The following NME7 variants were observed in gnomAD, a reference collection of about 807,000 sequenced individuals.
The protein encoded by NME7 is NME/NM23 family member 7.
Under a neutral mutation model 49.1 loss-of-function variants are expected in NME7, and 41 were observed. That is an observed-to-expected ratio of 0.83 (90% confidence interval 0.65 to 1.08). NME7 has a LOEUF of 1.08. Ranked by LOEUF, NME7 falls within the 50% of genes least tolerant of loss-of-function variation. NME7 has a pLI of 0.00. For synonymous variants in NME7, 139 were observed against 150.6 expected (o/e 0.92, Z 0.56); for missense variants, 423 against 463.4 (o/e 0.91, Z 0.80).
chr1:169,176,200 A>G lies in NME7; in HGVS notation c.991-6646T>C, dbSNP rs970259417. 3.9e-5 allele frequency among the ~76,000 whole-genome samples: 6 copies of G among 152,256 alleles called. No individual in the cohort carries two copies. The East Asian group carries it at 9.6e-4, about 24-fold the overall frequency. ...ATGAGATAATGAAAGATGGGGAAGG[A>G]ATTGGAAGTAGAAAAGGAAGCCAGG... On this transcript the variant is annotated intron_variant, in intron 10 of 11. Coordinates refer to ENST00000367811, the MANE Select transcript of NME7 (RefSeq NM_013330.5).
chr1:169,197,363 C>T (rs1258504916), intron 10 of NME7, among the ~76,000 whole-genome samples: 1 of 151,856 alleles, frequency 6.6e-6, no homozygotes. Flanking sequence ...GTCTAGTTAG[C>T]TCTATAATCA....
intron 11 of NME7, among the ~76,000 whole-genome samples, chr1:169,144,781 TA>T (rs890211739): frequency 6.6e-6 from 1 of 152,130 alleles, no homozygotes; most frequent in Non-Finnish European, 1.5e-5. Context: ...CCATCCCAAT[TA>T]CTGGAAGCTG....
chr1:169,181,153 T>C (rs1659917122), intron 10 of NME7, among the ~76,000 whole-genome samples: 1 of 151,942 alleles, frequency 6.6e-6, no homozygotes, highest in Admixed American at 6.6e-5. Flanking sequence ...TATCTATCTA[T>C]CTATCTATCT....
intron 4 of NME7, among the ~76,000 whole-genome samples, chr1:169,305,286 A>G (rs1037686361): frequency 2.0e-5 from 3 of 152,092 alleles, no homozygotes; most frequent in Non-Finnish European, 1.5e-5. Context: ...TGTTTTTATG[A>G]AGAAACTAAC....
chr1:169,281,281 G>A (rs1018948444), intron 7 of NME7, among the ~76,000 whole-genome samples: 4 of 152,132 alleles, frequency 2.6e-5, no homozygotes, highest in African/African-American at 9.7e-5. Flanking sequence ...AAGAATGCTT[G>A]TAATTTTTGC....
At chr1:169,187,571 T>C (rs1363398979) in intron 10 of NME7, among the ~76,000 whole-genome samples, 1 of 152,186 alleles carries the variant, frequency 6.6e-6, no homozygotes. Context: ...TTGCGAACCC[T>C]GCTTTTTTAT....
intron 11 of NME7, among the ~76,000 whole-genome samples, chr1:169,133,991 C>G (rs917206840): frequency 6.6e-6 from 1 of 152,156 alleles, no homozygotes; most frequent in Non-Finnish European, 1.5e-5. Flanking sequence ...ACTTTCTGTT[C>G]TAAGCCATTG....
intron 10 of NME7, among the ~76,000 whole-genome samples, chr1:169,173,209 CT>C (rs1218785742): frequency 6.6e-6 from 1 of 152,064 alleles, no homozygotes; most frequent in Non-Finnish European, 1.5e-5. Flanking sequence ...TAGAATCTGT[CT>C]TAAGGAGATT....
At chr1:169,240,208 AAAT>A (rs1438242131) in intron 7 of NME7, among the ~76,000 whole-genome samples, 1 of 152,008 alleles carries the variant, frequency 6.6e-6, no homozygotes, top group African/African-American at 2.4e-5. Flanking sequence ...ATGTTAACAT[AAAT>A]AACATTTTGT....
intron 11 of NME7, among the ~76,000 whole-genome samples, chr1:169,134,541 C>A (rs1306928371): frequency 2.6e-5 from 4 of 152,084 alleles, no homozygotes; most frequent in Non-Finnish European, 5.9e-5. Context: ...CTCTTTTCAA[C>A]CCTTCATATT....
At chr1:169,151,107 C>T (rs1658901138) in intron 11 of NME7, among the ~76,000 whole-genome samples, 1 of 152,068 alleles carries the variant, frequency 6.6e-6, no homozygotes, top group Non-Finnish European at 1.5e-5. Context: ...TGGATTGGAG[C>T]ATTAGAGCTT....
chr1:169,305,029 C>A (rs1651118996), intron 4 of NME7, among the ~76,000 whole-genome samples: 1 of 152,106 alleles, frequency 6.6e-6, no homozygotes, highest in South Asian at 2.1e-4. Flanking sequence ...CAATCATAAT[C>A]TTTAACGTCA....
intron 10 of NME7, among the ~76,000 whole-genome samples, chr1:169,225,916 A>C (rs1647320599): frequency 6.6e-6 from 1 of 152,212 alleles, no homozygotes; most frequent in South Asian, 2.1e-4. Flanking sequence ...TTTCTTGTGA[A>C]TCACTTTATA....
intron 11 of NME7, among the ~76,000 whole-genome samples, chr1:169,133,277 A>G (rs1231661389): frequency 6.6e-6 from 1 of 152,248 alleles, no homozygotes; most frequent in Non-Finnish European, 1.5e-5. Flanking sequence ...TCCAGCTATA[A>G]TTATTAAAGA....
At position 169,272,456 on chromosome 1, in the gene NME7, C is replaced by T. The variant is rs1361959827; in HGVS notation, c.754+14847G>A. Among the ~76,000 whole-genome samples the T allele has an allele frequency of 1.8e-5, 2 of 110,956 alleles. 1 individual carries two copies. The allele number at this position is 110,956 out of a possible 152,430, so 72.8% of individuals were successfully genotyped here. On this transcript the variant is annotated intron_variant, in intron 7 of 11. Transcript: ENST00000367811. ...TGATGCTCTCCCTCCCCCCGCCCCC[C>T]ATGACAGGCCGCAGCGTGTGTTGTT...
intron 7 of NME7, among the ~76,000 whole-genome samples, chr1:169,255,497 T>A (rs61808882): frequency 1.1e-5 from 1 of 88,484 alleles, no homozygotes; most frequent in African/African-American, 3.9e-5. Flanking sequence ...AGCACACTGA[T>A]GGGTCTTGAC....
intron 11 of NME7, among the ~76,000 whole-genome samples, chr1:169,135,357 C>G (rs1288970652): frequency 6.6e-6 from 1 of 152,114 alleles, no homozygotes; most frequent in East Asian, 1.9e-4. Context: ...TTTCAAAGCT[C>G]AGTAATAGCT....
chr1:169,330,228 A>G (rs905825743), intron 1 of NME7, among the ~76,000 whole-genome samples: 8 of 152,226 alleles, frequency 5.3e-5, no homozygotes, highest in Non-Finnish European at 1.0e-4. Flanking sequence ...AAAGACATTA[A>G]TGAGCAACAA....
At chr1:169,289,605 G>A (rs10800425) in intron 6 of NME7, among the ~76,000 whole-genome samples, 96,234 of 151,882 alleles carry the variant, frequency 0.63, 30,791 homozygotes, top group East Asian at 0.92. Flanking sequence ...AAATTGTTCT[G>A]TCTCTAGTTT....
Sources: allele counts gnomAD v4.1 joint callset (sites outside exome capture counted in the v4.1 genomes callset), GRCh38; gene constraint gnomAD v4.1.1; transcripts MANE v1.5; gene names NCBI Gene and HGNC (gene_info 2026-07-23, HGNC 2026-07-21).